The following SCFD2 variants were observed in gnomAD, a reference collection of about 807,000 sequenced individuals.
SCFD2 encodes the protein sec1 family domain-containing protein 2.
SCFD2 carries 54 observed loss-of-function variants against 58.9 expected under a neutral mutation model. The ratio of observed to expected loss-of-function variants is 0.92; its 90% CI spans 0.74 to 1.15. SCFD2 has a LOEUF of 1.15. Among genes scored for constraint, SCFD2 ranks in the 50% most tolerant of loss-of-function variants. SCFD2 has a pLI of 0.00. For missense variants in SCFD2, 805 were observed against 836.6 expected (o/e 0.96, Z 0.47); for synonymous variants, 321 against 335.9 (o/e 0.96, Z 0.49).
rs577652394 is a variant in SCFD2, at chr4:53,009,654, A to G, written c.1562-88784T>C. ...AGTGCTGACCTTATATATAACCTCC[A>G]TTTATAGACACACATAGTCTCAACC... On this transcript the variant is annotated intron_variant, in intron 5 of 8. Coordinates refer to ENST00000401642, the MANE Select transcript of SCFD2 (RefSeq NM_152540.4). Among the ~76,000 whole-genome samples the G allele has an allele frequency of 2.0e-5, 3 of 152,248 alleles. No homozygotes were observed. In the South Asian group the frequency reaches 6.2e-4, roughly 32 times the overall value.
intron 5 of SCFD2, among the ~76,000 whole-genome samples, chr4:53,053,074 A>T (rs1321186922): frequency 6.6e-6 from 1 of 151,974 alleles, no homozygotes; most frequent in Non-Finnish European, 1.5e-5. Flanking sequence ...AAAATACAAA[A>T]ATTAGCCAAG....
At chr4:53,299,263 G>C (rs569486876) in intron 3 of SCFD2, among the ~76,000 whole-genome samples, 3 of 152,226 alleles carry the variant, frequency 2.0e-5, no homozygotes, top group African/African-American at 4.8e-5. Flanking sequence ...ACCTGATGGA[G>C]CTGAAAACCA....
At chr4:53,018,812 A>G (rs952516499) in intron 5 of SCFD2, among the ~76,000 whole-genome samples, 4 of 152,150 alleles carry the variant, frequency 2.6e-5, no homozygotes, top group Non-Finnish European at 5.9e-5. Flanking sequence ...AGGATGCATC[A>G]ATGATGGTGT....
At chr4:53,153,715 G>A (rs2148920323) in intron 4 of SCFD2, among the ~76,000 whole-genome samples, 1 of 152,200 alleles carries the variant, frequency 6.6e-6, no homozygotes, top group Middle Eastern at 3.4e-3. Context: ...TCTACTACAT[G>A]GCCAGATTGT....
intron 4 of SCFD2, among the ~76,000 whole-genome samples, chr4:53,149,471 T>C (rs13109147): frequency 2.0e-5 from 3 of 152,138 alleles, no homozygotes; most frequent in African/African-American, 7.2e-5. Context: ...AAATGAGTGG[T>C]TGGATTAATA....
intron 3 of SCFD2, among the ~76,000 whole-genome samples, chr4:53,298,026 G>T (rs190326579): frequency 1.3e-5 from 2 of 152,188 alleles, no homozygotes; most frequent in African/African-American, 4.8e-5. Flanking sequence ...GAACGACACA[G>T]AAGACGGGTG....
At chr4:52,972,962 G>A (rs1352949828) in intron 5 of SCFD2, among the ~76,000 whole-genome samples, 4 of 152,054 alleles carry the variant, frequency 2.6e-5, no homozygotes, top group South Asian at 2.1e-4. Flanking sequence ...ATGTTCTTTG[G>A]AACCAATGAG....
chr4:52,907,640 A>G (rs1306570570), intron 6 of SCFD2, 49 bp from the exon 7 acceptor site: 1 of 1,589,838 alleles, frequency 6.3e-7, no homozygotes, highest in Non-Finnish European at 8.6e-7. Context: ...GTTTGTCTGG[A>G]GAGAGGACAG....
At chr4:53,000,474 T>C (rs1721838682) in intron 5 of SCFD2, among the ~76,000 whole-genome samples, 2 of 152,176 alleles carry the variant, frequency 1.3e-5, no homozygotes, top group South Asian at 4.1e-4. Context: ...ATGTTTATAC[T>C]ATCTGTGTGG....
chr4:53,192,918 G>T (rs1259067755), intron 4 of SCFD2, among the ~76,000 whole-genome samples: 1 of 151,994 alleles, frequency 6.6e-6, no homozygotes, highest in African/African-American at 2.4e-5. Context: ...CACCAAGAAG[G>T]TTTGATTATC....
chr4:53,124,223 A>G (rs1375299906), intron 5 of SCFD2, among the ~76,000 whole-genome samples: 1 of 152,224 alleles, frequency 6.6e-6, no homozygotes, highest in Non-Finnish European at 1.5e-5. Context: ...TTGGCATGCT[A>G]GGAACACAGG....
At chr4:53,172,918 T>C (rs1727221209) in intron 4 of SCFD2, among the ~76,000 whole-genome samples, 1 of 152,206 alleles carries the variant, frequency 6.6e-6, no homozygotes, top group African/African-American at 2.4e-5. Flanking sequence ...GGATAATCTG[T>C]CCCTTGAAAG....
intron 5 of SCFD2, among the ~76,000 whole-genome samples, chr4:53,046,350 A>T (rs1723038081): frequency 1.3e-5 from 2 of 152,100 alleles, no homozygotes; most frequent in African/African-American, 4.8e-5. Context: ...GGTAGCTGGG[A>T]CTACAGGTGC....
At chr4:52,944,160 T>C (rs1720361369) in intron 5 of SCFD2, among the ~76,000 whole-genome samples, 1 of 152,224 alleles carries the variant, frequency 6.6e-6, no homozygotes, top group Admixed American at 6.5e-5. Context: ...AATTATATCA[T>C]ATGACCTCTC....
At chr4:53,287,822 A>G (rs1404916162) in intron 3 of SCFD2, among the ~76,000 whole-genome samples, 1 of 152,228 alleles carries the variant, frequency 6.6e-6, no homozygotes, top group Non-Finnish European at 1.5e-5. Flanking sequence ...AAGAGAATAT[A>G]AATAGACAAT....
chr4:53,296,977 A>C (rs983994209), intron 3 of SCFD2, among the ~76,000 whole-genome samples: 1 of 152,018 alleles, frequency 6.6e-6, no homozygotes, highest in Non-Finnish European at 1.5e-5. Context: ...CTCAGTTCTA[A>C]TTTGATCGTA....
chr4:52,883,213 T>C (rs1164657680), intron 8 of SCFD2, among the ~76,000 whole-genome samples: 1 of 152,156 alleles, frequency 6.6e-6, no homozygotes, highest in East Asian at 1.9e-4. Flanking sequence ...TGGTCATGTC[T>C]CAGATCGGCA....
At chr4:53,229,469 T>G (rs1729354952) in intron 4 of SCFD2, among the ~76,000 whole-genome samples, 1 of 152,182 alleles carries the variant, frequency 6.6e-6, no homozygotes, top group African/African-American at 2.4e-5. Flanking sequence ...TAATGCCATG[T>G]ATCTACAACT....
chr4:52,995,423 T>C (rs1342395588), intron 5 of SCFD2, among the ~76,000 whole-genome samples: 1 of 152,180 alleles, frequency 6.6e-6, no homozygotes, highest in African/African-American at 2.4e-5. Flanking sequence ...CGTGGACCAG[T>C]GTCAGTCCGT....
Sources: allele counts gnomAD v4.1 joint callset (sites outside exome capture counted in the v4.1 genomes callset), GRCh38; gene constraint gnomAD v4.1.1; transcripts MANE v1.5; gene names NCBI Gene and HGNC (gene_info 2026-07-23, HGNC 2026-07-21).